Variants in RANBP17 observed in about 807,000 individuals in gnomAD.
RANBP17 encodes RAN binding protein 17.
In RANBP17, 158 loss-of-function variants were observed where a neutral mutation model predicts 141.2. The observed-to-expected ratio is 1.12, with a 90% CI of 0.98 to 1.28. RANBP17 has a LOEUF of 1.28. Among genes scored for constraint, RANBP17 ranks in the 50% most tolerant of loss-of-function variants. The pLI is 0.00. For synonymous variants in RANBP17, 430 were observed against 450.0 expected, an observed-to-expected ratio of 0.96 and a Z score of 0.56; for missense variants, 1,438 against 1,290.7, an observed-to-expected ratio of 1.11 and a Z score of -1.75.
chr5:171,067,102 G>A (rs1361329656), intron 14 of RANBP17, among the ~76,000 whole-genome samples: 3 of 151,942 alleles, frequency 2.0e-5, no homozygotes, highest in Non-Finnish European at 2.9e-5. Flanking sequence ...CTCCTATACT[G>A]CCTTCTTCTT....
chr5:171,225,422 A>G (rs1763826550), intron 22 of RANBP17, among the ~76,000 whole-genome samples: 3 of 152,168 alleles, frequency 2.0e-5, no homozygotes, highest in Admixed American at 2.0e-4. Context: ...CAGCCATCTG[A>G]TTTGTCTGTC....
intron 14 of RANBP17, among the ~76,000 whole-genome samples, chr5:171,053,625 T>G (rs1581501753): frequency 6.6e-6 from 1 of 152,006 alleles, no homozygotes; most frequent in African/African-American, 2.4e-5. Context: ...TTTTGTAGAC[T>G]TTTGTAGATT....
chr5:171,109,936 TA>T (rs1755103950), intron 14 of RANBP17, among the ~76,000 whole-genome samples: 1 of 152,088 alleles, frequency 6.6e-6, no homozygotes, highest in Non-Finnish European at 1.5e-5. Flanking sequence ...ACTGTTACCT[TA>T]AAAGTTAAAA....
At chr5:171,038,913 G>A (rs757684383) in intron 14 of RANBP17, among the ~76,000 whole-genome samples, 1 of 152,008 alleles carries the variant, frequency 6.6e-6, no homozygotes, top group African/African-American at 2.4e-5. Flanking sequence ...GTATTGACTT[G>A]TAGTTTTCTT....
chr5:171,276,260 T>G (rs1034986679), intron 25 of RANBP17, among the ~76,000 whole-genome samples: 1 of 152,238 alleles, frequency 6.6e-6, no homozygotes, highest in South Asian at 2.1e-4. Flanking sequence ...GTCACATCTC[T>G]TTCTCTTTTA....
At chr5:170,879,306 T>G (rs1768461557) in intron 2 of RANBP17, among the ~76,000 whole-genome samples, 3 of 152,184 alleles carry the variant, frequency 2.0e-5, no homozygotes, top group Admixed American at 2.0e-4. Context: ...CATGTCATTA[T>G]ATGCAGATTG....
intron 12 of RANBP17, among the ~76,000 whole-genome samples, chr5:170,936,340 A>G (rs1276285640): frequency 6.6e-6 from 1 of 152,130 alleles, no homozygotes; most frequent in Non-Finnish European, 1.5e-5. Context: ...AAATGCAGAA[A>G]TCACCTGTCT....
chr5:171,088,156 C>T (rs1437316733), intron 14 of RANBP17, among the ~76,000 whole-genome samples: 3 of 151,546 alleles, frequency 2.0e-5, no homozygotes, highest in Non-Finnish European at 4.4e-5. Flanking sequence ...TTAGGGCAGG[C>T]CTGGTGGTGA....
chr5:171,170,035 A>G, intron 14 of RANBP17, 95 bp from the exon 15 acceptor site: 1 of 582,794 alleles, frequency 1.7e-6, no homozygotes. Flanking sequence ...TGTGGATACC[A>G]CAGTGCATTA....
chr5:171,238,250 G>A (rs1764660481), intron 22 of RANBP17, among the ~76,000 whole-genome samples: 1 of 152,100 alleles, frequency 6.6e-6, no homozygotes, highest in African/African-American at 2.4e-5. Flanking sequence ...CATCACCAAG[G>A]TCTGATTTTT....
chr5:171,237,965 G>A (rs1764641362), intron 22 of RANBP17, among the ~76,000 whole-genome samples: 1 of 152,144 alleles, frequency 6.6e-6, no homozygotes, highest in African/African-American at 2.4e-5. Flanking sequence ...AACAATTTCA[G>A]TAAGTATTGC....
intron 14 of RANBP17, among the ~76,000 whole-genome samples, chr5:171,071,274 A>G (rs1434956802): frequency 6.6e-6 from 1 of 152,084 alleles, no homozygotes; most frequent in Non-Finnish European, 1.5e-5. Context: ...TTAAGATGTC[A>G]GTTTGCCCCA....
Position 171,196,291 on chromosome 5 carries a change from CCTTGA to C in RANBP17, c.2039-3375_2039-3371del, listed in dbSNP as rs572698554. ...CATTACTGTATTTATAGTATTTGCT[CCTTGA>C]CTTCTCCCTGCACATTTTGGTGGCT... is the stretch of plus-strand genomic sequence containing the variant. On this transcript the variant is annotated intron_variant, in intron 18 of 27. Coordinates refer to ENST00000523189, the MANE Select transcript of RANBP17 (RefSeq NM_022897.5). Among the ~76,000 whole-genome samples, 122 of 152,282 alleles carry C rather than the reference CCTTGA, an allele frequency of 8.0e-4. 1 individual carries two copies. The Middle Eastern group carries it at 0.014, about 17-fold the overall frequency.
chr5:170,892,360 A>G, intron 3 of RANBP17, 27 bp from the exon 4 acceptor site: 2 of 1,537,232 alleles, frequency 1.3e-6, no homozygotes, highest in Non-Finnish European at 1.8e-6. Flanking sequence ...AAAAGTCCAG[A>G]TGACCCATGG....
At chr5:171,151,452 A>G (rs1317624220) in intron 14 of RANBP17, among the ~76,000 whole-genome samples, 1 of 152,250 alleles carries the variant, frequency 6.6e-6, no homozygotes, top group Non-Finnish European at 1.5e-5. Context: ...ATAAGAAGCA[A>G]TTCCACTTTC....
chr5:171,252,340 C>T, intron 24 of RANBP17: 1 of 1,541,046 alleles, frequency 6.5e-7, no homozygotes. Flanking sequence ...TGAGATTTTT[C>T]AGGGAACATT....
At chr5:171,024,476 A>C (rs1278826866) in intron 14 of RANBP17, among the ~76,000 whole-genome samples, 1 of 152,186 alleles carries the variant, frequency 6.6e-6, no homozygotes. Flanking sequence ...AATATTTACT[A>C]TCTGGTCTTT....
At position 171,214,492 on chromosome 5, in the gene RANBP17, G is replaced by A. The variant is rs140450980; in HGVS notation, c.2339+754G>A. 9.1e-3 allele frequency among the ~76,000 whole-genome samples: 1,389 copies of A among 152,270 alleles called. 21 individuals carry two copies. Among genetic ancestry groups the A allele is most frequent in the African/African-American group, 0.031 (1,288 of 41,554 alleles). On this transcript the variant is annotated intron_variant, in intron 21 of 27. Coordinates refer to ENST00000523189, the MANE Select transcript of RANBP17 (RefSeq NM_022897.5). ...GTCACTTAGCCATCCTGTTTCATGA[G>A]TTGCCCTTTGTAAACTATGTGTTTA... is the stretch of plus-strand genomic sequence containing the variant.
chr5:171,055,175 C>T (rs1783258511), intron 14 of RANBP17, among the ~76,000 whole-genome samples: 2 of 152,132 alleles, frequency 1.3e-5, no homozygotes, highest in Admixed American at 1.3e-4. Flanking sequence ...TATGGGGTTG[C>T]TAGCTGATTC....
Sources: allele counts gnomAD v4.1 joint callset (sites outside exome capture counted in the v4.1 genomes callset), GRCh38; gene constraint gnomAD v4.1.1; transcripts MANE v1.5; gene names NCBI Gene and HGNC (gene_info 2026-07-23, HGNC 2026-07-21).